The following MAGI1 variants were observed in gnomAD, a reference collection of about 807,000 sequenced individuals.
MAGI1 encodes the protein membrane associated guanylate kinase, WW and PDZ domain containing 1, also known as membrane-associated guanylate kinase, WW and PDZ domain-containing protein 1.
Under a neutral mutation model 139.9 loss-of-function variants are expected in MAGI1, and 58 were observed. The observed-to-expected ratio is 0.41, with a 90% CI of 0.34 to 0.52. The LOEUF is 0.52. Ranked by LOEUF, MAGI1 falls within the 20% of genes least tolerant of loss-of-function variation. MAGI1 has a pLI of 0.12. For missense variants in MAGI1, 1,874 were observed against 1,901.6 expected, an observed-to-expected ratio of 0.99 and a Z score of 0.27; for synonymous variants, 812 against 737.9, an observed-to-expected ratio of 1.10 and a Z score of -1.63.
chr3:65,667,769 G>C lies in MAGI1; in HGVS notation c.314-45681C>G, dbSNP rs1050181478. ...TGTAGCAATGGTGTTCTGCCATGTT[G>C]CCCAGGCTGGTCTCGAACTCCTGGG... On this transcript the variant is annotated intron_variant, in intron 1 of 22. Coordinates refer to ENST00000402939, the MANE Select transcript of MAGI1 (RefSeq NM_001033057.2). Among the ~76,000 whole-genome samples the C allele has an allele frequency of 1.8e-4, 28 of 151,986 alleles. 1 individual carries two copies. Among genetic ancestry groups the C allele is most frequent in the Middle Eastern group, 3.2e-3 (1 of 316 alleles).
chr3:65,567,371 T>G (rs754575038), intron 2 of MAGI1, among the ~76,000 whole-genome samples: 1 of 149,822 alleles, frequency 6.7e-6, no homozygotes, highest in Admixed American at 6.6e-5. Flanking sequence ...CCACTGACCA[T>G]GAAAAAAAAA....
chr3:65,534,575 G>A (rs988278284), intron 2 of MAGI1, among the ~76,000 whole-genome samples: 1 of 152,166 alleles, frequency 6.6e-6, no homozygotes, highest in African/African-American at 2.4e-5. Context: ...TTGGGCAAGT[G>A]TCTGCATAAC....
At chr3:65,540,726 G>A (rs137880310) in intron 2 of MAGI1, among the ~76,000 whole-genome samples, 30 of 152,294 alleles carry the variant, frequency 2.0e-4, no homozygotes, top group African/African-American at 7.2e-4. Flanking sequence ...AGAGGTTTTA[G>A]TTCATACACA....
At chr3:65,628,008 T>C (rs1261370672) in intron 1 of MAGI1, among the ~76,000 whole-genome samples, 1 of 152,184 alleles carries the variant, frequency 6.6e-6, no homozygotes, top group Non-Finnish European at 1.5e-5. Flanking sequence ...ATTAAGCTAT[T>C]TCCAATATAA....
At chr3:65,406,196 T>G (rs1945327457) in intron 12 of MAGI1, among the ~76,000 whole-genome samples, 1 of 152,054 alleles carries the variant, frequency 6.6e-6, no homozygotes, top group Non-Finnish European at 1.5e-5. Context: ...GGACCTGTGC[T>G]TGTCCTACTG....
chr3:65,521,735 G>T (rs1228342358), intron 2 of MAGI1, among the ~76,000 whole-genome samples: 2 of 152,118 alleles, frequency 1.3e-5, no homozygotes, highest in African/African-American at 4.8e-5. Context: ...AGAGCTTTAT[G>T]AAAAGTTGGA....
chr3:65,819,649 C>T (rs140274241), intron 1 of MAGI1, among the ~76,000 whole-genome samples: 1,804 of 151,932 alleles, frequency 0.012, 35 homozygotes, highest in African/African-American at 0.041. Context: ...GAGGCCAAGG[C>T]GGGTGGATCA....
chr3:65,519,887 T>C (rs2078075215), intron 2 of MAGI1, among the ~76,000 whole-genome samples: 1 of 152,206 alleles, frequency 6.6e-6, no homozygotes, highest in African/African-American at 2.4e-5. Context: ...CTTGCTTGAT[T>C]GAAGGAATAA....
intron 12 of MAGI1, among the ~76,000 whole-genome samples, chr3:65,422,779 C>T (rs985827617): frequency 5.3e-5 from 8 of 151,954 alleles, no homozygotes; most frequent in Admixed American, 2.6e-4. Flanking sequence ...AAATAACCTC[C>T]GAGCCGAGGC....
Position 65,512,141 on chromosome 3 carries a change from G to C in MAGI1, c.431-18510C>G, listed in dbSNP as rs1426626133. Among the ~76,000 whole-genome samples, 3 of 80,252 alleles carry C rather than the reference G, an allele frequency of 3.7e-5. No homozygotes were observed. The Admixed American group carries it at 4.5e-4, about 12-fold the overall frequency. 52.6% of individuals were successfully genotyped at this position (80,252 alleles called of 152,430 possible). A position where few individuals can be genotyped will look rare whatever the true frequency, so the allele number is the denominator to read the frequency against. On this transcript the variant is annotated intron_variant, in intron 2 of 22. Transcript: ENST00000402939. ...AGACACAACATACCAGAATCTCTGG[G>C]ACGCATTCAAAGCAGTGTGTAGAGG... is the stretch of plus-strand genomic sequence containing the variant.
At chr3:65,493,985 A>G (rs933978690) in intron 2 of MAGI1, among the ~76,000 whole-genome samples, 2 of 152,236 alleles carry the variant, frequency 1.3e-5, no homozygotes, top group Non-Finnish European at 2.9e-5. Context: ...GACTCCAGTA[A>G]ATACTAAAAA....
At chr3:65,804,985 T>C (rs2040759589) in intron 1 of MAGI1, among the ~76,000 whole-genome samples, 1 of 152,140 alleles carries the variant, frequency 6.6e-6, no homozygotes, top group Admixed American at 6.5e-5. Context: ...ATAAAAACCC[T>C]AGAAGAAAAT....
intron 1 of MAGI1, among the ~76,000 whole-genome samples, chr3:65,741,224 G>A (rs1026975235): frequency 1.3e-5 from 2 of 151,606 alleles, no homozygotes; most frequent in Non-Finnish European, 2.9e-5. Flanking sequence ...CCCCAGGCTG[G>A]AGTGCAGTGG....
intron 1 of MAGI1, among the ~76,000 whole-genome samples, chr3:65,714,400 T>C (rs544404626): frequency 6.6e-5 from 10 of 152,164 alleles, no homozygotes; most frequent in African/African-American, 2.2e-4. Context: ...AAGAGGCAGA[T>C]TCCCCCAGCT....
At chr3:65,843,465 A>T (rs1559934754) in intron 1 of MAGI1, among the ~76,000 whole-genome samples, 1 of 152,182 alleles carries the variant, frequency 6.6e-6, no homozygotes, top group Non-Finnish European at 1.5e-5. Context: ...GGAAATGCTC[A>T]ATGTTTGTTG....
At chr3:65,800,052 T>G (rs2040416563) in intron 1 of MAGI1, among the ~76,000 whole-genome samples, 1 of 152,242 alleles carries the variant, frequency 6.6e-6, no homozygotes, top group Non-Finnish European at 1.5e-5. Context: ...CCACTTACTT[T>G]GCTGAATGGC....
intron 1 of MAGI1, among the ~76,000 whole-genome samples, chr3:65,786,857 C>G (rs184529262): frequency 6.6e-6 from 1 of 151,994 alleles, no homozygotes; most frequent in South Asian, 2.1e-4. Context: ...CCTCGTGATC[C>G]GCCCGCCTCG....
At chr3:65,609,748 G>A (rs539483271) in intron 2 of MAGI1, 116 of 329,590 alleles carry the variant, frequency 3.5e-4, no homozygotes, top group South Asian at 2.9e-3. Flanking sequence ...CCATACCTGG[G>A]TAATTTTTTG....
intron 1 of MAGI1, among the ~76,000 whole-genome samples, chr3:65,681,426 C>T (rs933002800): frequency 6.6e-6 from 1 of 152,254 alleles, no homozygotes; most frequent in Admixed American, 6.5e-5. Flanking sequence ...TATTTTAGAA[C>T]GTGAGTTATA....
Sources: allele counts gnomAD v4.1 joint callset (sites outside exome capture counted in the v4.1 genomes callset), GRCh38; gene constraint gnomAD v4.1.1; transcripts MANE v1.5; gene names NCBI Gene and HGNC (gene_info 2026-07-23, HGNC 2026-07-21).